STAM: variants seen among roughly 807,000 people sequenced by gnomAD.
The protein encoded by STAM is signal transducing adapter molecule 1.
In STAM, 16 loss-of-function variants were observed where a neutral mutation model predicts 63.4. The observed-to-expected ratio is 0.25, with a 90% CI of 0.17 to 0.38. The LOEUF is 0.38. Ranked by LOEUF, STAM falls within the 10% of genes least tolerant of loss-of-function variation. The pLI, the probability that STAM is intolerant of heterozygous loss-of-function variation, is 1.00. For synonymous variants in STAM, 238 were observed against 223.9 expected, an observed-to-expected ratio of 1.06 and a Z score of -0.56; for missense variants, 636 against 657.1, an observed-to-expected ratio of 0.97 and a Z score of 0.35.
intron 1 of STAM, among the ~76,000 whole-genome samples, chr10:17,657,351 G>C (rs180745015): frequency 5.1e-4 from 77 of 152,184 alleles, no homozygotes; most frequent in African/African-American, 1.5e-3. Flanking sequence ...TGCCCTGCTC[G>C]TACCTGTCTT....
At chr10:17,674,353 A>G (rs1159301731) in intron 2 of STAM, among the ~76,000 whole-genome samples, 3 of 152,306 alleles carry the variant, frequency 2.0e-5, no homozygotes, top group Admixed American at 6.5e-5. Context: ...GTGGGTTAAC[A>G]GCTGGGCAGT....
Position 17,693,242 on chromosome 10 carries a change from A to G in STAM, c.465A>G (p.Ala155=), listed in dbSNP as rs372760504. ...IGSQAAEQAK[A]SPALVAKDPG... ...GTTAGGCTGCAGAACAAGCAAAAGCAAGCCCAGCTCTTGTAGCCAAGGATC... is the reference window on the plus strand; with the variant it reads ...GTTAGGCTGCAGAACAAGCAAAAGCGAGCCCAGCTCTTGTAGCCAAGGATC... The change falls in exon 6 of 14, where the codon GCA becomes GCG. Residue 155 remains alanine, a synonymous_variant. Coordinates refer to ENST00000377524, the MANE Select transcript of STAM (RefSeq NM_003473.4). The G allele has an allele frequency of 4.4e-5, 71 of 1,613,634 alleles. No homozygotes were observed. Among genetic ancestry groups the G allele is most frequent in the Middle Eastern group, 1.6e-4 (1 of 6,084 alleles).
chr10:17,709,342 G>C (rs569482268), intron 13 of STAM, among the ~76,000 whole-genome samples: 2 of 152,018 alleles, frequency 1.3e-5, no homozygotes, highest in East Asian at 3.9e-4. Flanking sequence ...AAAATATATA[G>C]TTCTGAGCTG....
intron 2 of STAM, among the ~76,000 whole-genome samples, chr10:17,675,544 G>A (rs1834815455): frequency 6.6e-6 from 1 of 151,746 alleles, no homozygotes; most frequent in African/African-American, 2.4e-5. Context: ...GAAATTGATG[G>A]TTTTAAACAT....
At chr10:17,656,096 C>T (rs974208102) in intron 1 of STAM, among the ~76,000 whole-genome samples, 4 of 151,586 alleles carry the variant, frequency 2.6e-5, no homozygotes, top group East Asian at 1.9e-4. Context: ...AGATTGAGAC[C>T]ATCCTGGCTA....
chr10:17,699,228 A>G (rs1835887452), intron 8 of STAM, among the ~76,000 whole-genome samples: 1 of 152,220 alleles, frequency 6.6e-6, no homozygotes, highest in Admixed American at 6.5e-5. Context: ...TAAAAAGGGC[A>G]TATCTCATAA....
At chr10:17,667,373 C>G (rs983242192) in intron 2 of STAM, among the ~76,000 whole-genome samples, 1 of 152,150 alleles carries the variant, frequency 6.6e-6, no homozygotes, top group African/African-American at 2.4e-5. Flanking sequence ...CTGCCCTCCT[C>G]AGCCTCCCAA....
At chr10:17,651,982 T>C (rs1833759784) in intron 1 of STAM, among the ~76,000 whole-genome samples, 1 of 152,218 alleles carries the variant, frequency 6.6e-6, no homozygotes, top group East Asian at 1.9e-4. Context: ...GAAAAGACTA[T>C]TGAAATTCAA....
Position 17,688,043 on chromosome 10 carries a change from G to A in STAM, c.314G>A (p.Cys105Tyr), listed in dbSNP as rs782725078. 2 of 1,594,000 alleles carry A rather than the reference G, an allele frequency of 1.3e-6. No homozygotes were observed. The highest frequency in any genetic ancestry group is 1.4e-5 in the African/African-American group (1 of 73,990). The change falls in exon 5 of 14, where the codon TGT (cysteine) becomes TAT (tyrosine). Residue 105 changes from cysteine (C) to tyrosine (Y), a missense_variant. Cys to Tyr is a radical substitution (Grantham distance 194). Around this residue, in one of 3 missense-constraint regions of STAM, gnomAD observed 532 missense variants for 536.9 expected, o/e 0.99. Transcript: ENST00000377524. ...NVLNKGHPKV[C>Y]EKLKALMVEW... ...ATTTTACAGGGTCATCCTAAAGTAT[G>A]TGAAAAATTAAAGGCTCTTATGGTT...
chr10:17,655,585 C>T (rs554908208), intron 1 of STAM, among the ~76,000 whole-genome samples: 6 of 152,186 alleles, frequency 3.9e-5, no homozygotes, highest in East Asian at 1.9e-4. Flanking sequence ...TTATTTTCTG[C>T]GATTAAACTC....
chr10:17,684,796 A>G (rs1554825883), intron 3 of STAM, 36 bp from the exon 4 acceptor site: 6 of 1,613,506 alleles, frequency 3.7e-6, no homozygotes, highest in Non-Finnish European at 5.1e-6. Flanking sequence ...ACCTGCCACA[A>G]TTGAGCCCCT....
chr10:17,679,033 T>G (rs1469733365), intron 2 of STAM, among the ~76,000 whole-genome samples: 24 of 152,234 alleles, frequency 1.6e-4, no homozygotes, highest in African/African-American at 5.8e-4. Flanking sequence ...GATGGACATT[T>G]GGCTGTTGTG....
At chr10:17,665,338 A>T (rs1834332565) in intron 2 of STAM, among the ~76,000 whole-genome samples, 1 of 152,174 alleles carries the variant, frequency 6.6e-6, no homozygotes, top group Non-Finnish European at 1.5e-5. Flanking sequence ...CAAATGTTAA[A>T]ACAATTTAAA....
chr10:17,711,954 T>A (rs958933132), intron 13 of STAM, among the ~76,000 whole-genome samples: 2 of 152,210 alleles, frequency 1.3e-5, no homozygotes, highest in Non-Finnish European at 2.9e-5. Context: ...GTGCTATTAA[T>A]TGGAAAGAGT....
intron 8 of STAM, among the ~76,000 whole-genome samples, chr10:17,698,290 C>T (rs1161080520): frequency 1.3e-5 from 2 of 152,030 alleles, no homozygotes; most frequent in Non-Finnish European, 2.9e-5. Context: ...ATAACCTGGG[C>T]TGGTAATGAT....
chr10:17,662,009 C>T (rs1407871536), intron 2 of STAM, among the ~76,000 whole-genome samples: 1 of 152,188 alleles, frequency 6.6e-6, no homozygotes, highest in Non-Finnish European at 1.5e-5. Context: ...CCCTTTTCTC[C>T]ATTTTTATTT....
intron 4 of STAM, among the ~76,000 whole-genome samples, chr10:17,687,630 T>G (rs1835350225): frequency 6.6e-6 from 1 of 152,248 alleles, no homozygotes; most frequent in Non-Finnish European, 1.5e-5. Flanking sequence ...AAAAAATGCA[T>G]AGTCATGAAC....
intron 6 of STAM, among the ~76,000 whole-genome samples, chr10:17,693,589 G>A (rs1048298627): frequency 1.3e-5 from 2 of 152,078 alleles, no homozygotes; most frequent in Non-Finnish European, 2.9e-5. Context: ...GATAGTACAC[G>A]GGAAATGCCA....
At chr10:17,659,248 T>G (rs2131580081) in intron 1 of STAM, among the ~76,000 whole-genome samples, 1 of 152,210 alleles carries the variant, frequency 6.6e-6, no homozygotes, top group East Asian at 1.9e-4. Flanking sequence ...TATTAATTCC[T>G]CCTTCCCATC....
Sources: gnomAD v4.1 joint callset for allele counts (sites outside exome capture counted in the v4.1 genomes callset) on GRCh38, gnomAD v4.1.1 for gene constraint, gnomAD v4.1.1 regional missense constraint, MANE v1.5 for transcripts, NCBI Gene and HGNC (gene_info 2026-07-23, HGNC 2026-07-21) for gene names.